B3GNT2: variants seen among roughly 807,000 people sequenced by gnomAD.
B3GNT2 encodes N-acetyllactosaminide beta-1,3-N-acetylglucosaminyltransferase 2.
B3GNT2 carries 12 observed loss-of-function variants against 27.6 expected under a neutral mutation model. The ratio of observed to expected loss-of-function variants is 0.44; its 90% CI spans 0.28 to 0.71. The LOEUF is 0.71. Ranked by LOEUF, B3GNT2 falls within the 30% of genes least tolerant of loss-of-function variation. The pLI is 0.17. For missense variants in B3GNT2, 413 were observed against 488.5 expected (o/e 0.85, Z 1.46); for synonymous variants, 192 against 189.7 (o/e 1.01, Z -0.10).
chr2:62,200,091 C>T (rs757360714), intron 1 of B3GNT2, among the ~76,000 whole-genome samples: 7 of 152,184 alleles, frequency 4.6e-5, no homozygotes, highest in East Asian at 1.9e-4. Context: ...AGATTTTTGC[C>T]CTCTGTGTGT....
intron 1 of B3GNT2, among the ~76,000 whole-genome samples, chr2:62,203,950 T>C (rs1285829194): frequency 6.6e-6 from 1 of 152,232 alleles, no homozygotes; most frequent in Non-Finnish European, 1.5e-5. Flanking sequence ...TGGAATCCAT[T>C]GAACTCATGA....
chr2:62,210,636 G>C (rs1674464892), intron 1 of B3GNT2, among the ~76,000 whole-genome samples: 1 of 151,962 alleles, frequency 6.6e-6, no homozygotes, highest in Non-Finnish European at 1.5e-5. Flanking sequence ...TGGGTGTGGT[G>C]GTGGGCGCCT....
At chr2:62,221,720 G>A (rs10189468) in intron 1 of B3GNT2, 82,134 of 408,594 alleles carry the variant, frequency 0.2, 11,845 homozygotes, top group African/African-American at 0.53. Flanking sequence ...CACACAATGC[G>A]TCACACATGT....
rs77324476 is a variant in B3GNT2, at chr2:62,211,522, T to C, written c.-9-10690T>C. Reference sequence around the variant, plus strand: ...CAAAACCAACTAAAGTTGTAATCAATGGGCATCCAACTTGGAGTTCTTCGT... The same window carrying C: ...CAAAACCAACTAAAGTTGTAATCAACGGGCATCCAACTTGGAGTTCTTCGT... On this transcript the variant is annotated intron_variant, in intron 1 of 1. Coordinates refer to ENST00000301998, the MANE Select transcript of B3GNT2 (RefSeq NM_006577.6). 4.8e-4 allele frequency among the ~76,000 whole-genome samples: 73 copies of C among 152,348 alleles called. 2 individuals carry two copies. In the East Asian group the frequency reaches 0.012, roughly 25 times the overall value.
In B3GNT2 at chr2:62,213,021, C is replaced by T. The variant is rs1003338516; in HGVS notation, c.-9-9191C>T. On this transcript the variant is annotated intron_variant, in intron 1 of 1. Coordinates refer to ENST00000301998, the MANE Select transcript of B3GNT2 (RefSeq NM_006577.6). The stretch of plus-strand genomic sequence containing the variant: ...TGGAGTGGAAGCATTTACCAAGCCA[C>T]GTACAAGCTCTTAACCAAGGGCTTC... 2.0e-5 allele frequency among the ~76,000 whole-genome samples: 3 copies of T among 152,196 alleles called. No individual in the cohort carries two copies. The South Asian group carries it at 6.2e-4, about 32-fold the overall frequency.
Position 62,207,304 on chromosome 2 carries a change from C to T in B3GNT2, c.-10+10949C>T, listed in dbSNP as rs115754297. 8.0e-3 allele frequency among the ~76,000 whole-genome samples: 1,214 copies of T among 152,146 alleles called. 22 individuals are homozygous for T. The highest frequency in any genetic ancestry group is 0.028 in the African/African-American group (1,176 of 41,506). On this transcript the variant is annotated intron_variant, in intron 1 of 1. Transcript: ENST00000301998. ...AAGCGATTCTTCTGTCTCAGCCTCA[C>T]GAGTAGTTGGGACAACACACATGCT...
intron 1 of B3GNT2, among the ~76,000 whole-genome samples, chr2:62,212,307 A>G (rs1674495935): frequency 6.6e-6 from 1 of 152,096 alleles, no homozygotes; most frequent in Admixed American, 6.5e-5. Flanking sequence ...CGGTGGTACC[A>G]GGAGCCTAAG....
Position 62,196,116 on chromosome 2 carries a change from G to A in B3GNT2, c.-249G>A, listed in dbSNP as rs906888875. On this transcript the variant is annotated 5_prime_UTR_variant, in exon 1 of 2. Transcript: ENST00000301998. ...GGCGGCTGCTGCGCCTGGAACCGGAGCCTGGAGTGAGGCGCAGCGGCAGCG... is the reference window on the plus strand; with the variant it reads ...GGCGGCTGCTGCGCCTGGAACCGGAACCTGGAGTGAGGCGCAGCGGCAGCG... 2.6e-5 allele frequency: 4 copies of A among 152,102 alleles called. No homozygotes were observed. Among genetic ancestry groups the A allele is most frequent in the Admixed American group, 6.6e-5 (1 of 15,208 alleles). 9.4% of individuals were successfully genotyped at this position (152,102 alleles called of 1,614,324 possible).
At position 62,224,287 on chromosome 2, in the gene B3GNT2, A is replaced by G. The variant is rs13393608; in HGVS notation, c.*873A>G. On this transcript the variant is annotated 3_prime_UTR_variant, in exon 2 of 2. Coordinates refer to ENST00000301998, the MANE Select transcript of B3GNT2 (RefSeq NM_006577.6). ...AGACTTTTGCATAGATGGTTTGTCA[A>G]TTTAAAATTCCAGAATTTATTATTG... is the stretch of plus-strand genomic sequence containing the variant. The G allele has an allele frequency of 0.14, 23,075 of 167,022 alleles. 1,715 individuals carry two copies. The highest frequency in any genetic ancestry group is 0.23 in the East Asian group (1,186 of 5,182). 10.3% of individuals were successfully genotyped at this position (167,022 alleles called of 1,614,324 possible).
intron 1 of B3GNT2, among the ~76,000 whole-genome samples, chr2:62,212,320 T>C (rs558086852): frequency 2.6e-5 from 4 of 152,248 alleles, no homozygotes; most frequent in East Asian, 1.9e-4. Flanking sequence ...AGCCTAAGAC[T>C]GGGTGGTCCT....
At chr2:62,201,897 G>A (rs551459517) in intron 1 of B3GNT2, among the ~76,000 whole-genome samples, 1 of 152,184 alleles carries the variant, frequency 6.6e-6, no homozygotes, top group African/African-American at 2.4e-5. Flanking sequence ...TAGCAGAGAA[G>A]GCAAGAGTCT....
At chr2:62,197,793 G>T (rs895095449) in intron 1 of B3GNT2, among the ~76,000 whole-genome samples, 3 of 152,226 alleles carry the variant, frequency 2.0e-5, no homozygotes, top group Non-Finnish European at 4.4e-5. Context: ...GCTTATAGTC[G>T]CACCCATGCG....
At chr2:62,212,141 G>C (rs998556804) in intron 1 of B3GNT2, among the ~76,000 whole-genome samples, 1 of 152,110 alleles carries the variant, frequency 6.6e-6, no homozygotes. Flanking sequence ...TTTGCCTTTT[G>C]TAAGTAGAGG....
At chr2:62,203,789 G>A (rs1674316055) in intron 1 of B3GNT2, among the ~76,000 whole-genome samples, 1 of 152,082 alleles carries the variant, frequency 6.6e-6, no homozygotes, top group Non-Finnish European at 1.5e-5. Flanking sequence ...TGGGGGTCAG[G>A]GACTGGCTGA....
intron 1 of B3GNT2, among the ~76,000 whole-genome samples, chr2:62,203,272 C>T (rs751644866): frequency 2.6e-5 from 4 of 151,968 alleles, no homozygotes; most frequent in South Asian, 4.2e-4. Context: ...GAGAAAGACT[C>T]CTGGTGGGTG....
At position 62,223,220 on chromosome 2, in the gene B3GNT2, G is replaced by A. The variant is rs2104216188; in HGVS notation, c.1000G>A (p.Val334Ile). 1.9e-6 allele frequency: 3 copies of A among 1,614,176 alleles called. No homozygotes were observed. Among genetic ancestry groups the A allele is most frequent in the Non-Finnish European group, 2.5e-6 (3 of 1,180,034 alleles). Residue 334 changes from valine (V) to isoleucine (I), a missense_variant, in exon 2 of 2, where the codon GTT becomes ATT. Physicochemically the swap from Val to Ile is conservative, Grantham distance 29 (BLOSUM62 3). Transcript: ENST00000301998. The part of the protein sequence containing the change: ...DQVHLYPIDD[V>I]YTGMCLQKLG... ...GGTCCATCTCTACCCCATTGATGAC[G>A]TTTATACTGGAATGTGCCTTCAGAA...
chr2:62,213,621 T>C (rs1176984603), intron 1 of B3GNT2, among the ~76,000 whole-genome samples: 3 of 152,196 alleles, frequency 2.0e-5, no homozygotes, highest in African/African-American at 7.2e-5. Flanking sequence ...GCTGTACTTC[T>C]CACCCCAGTT....
rs142908493 is a variant in B3GNT2, at chr2:62,223,316, A to G, written c.1096A>G (p.Ile366Val). Residue 366 changes from isoleucine (I) to valine (V), a missense_variant, in exon 2 of 2, where the codon ATC becomes GTC. Coordinates refer to ENST00000301998, the MANE Select transcript of B3GNT2 (RefSeq NM_006577.6). ...FDIEEKNKNN[I>V]CSYVDLMLVH... ...TATCGAGGAGAAAAACAAAAATAACATCTGCTCCTATGTAGATCTGATGTT... is the reference window on the plus strand; with the variant it reads ...TATCGAGGAGAAAAACAAAAATAACGTCTGCTCCTATGTAGATCTGATGTT... 2 of 1,614,184 alleles carry G rather than the reference A, an allele frequency of 1.2e-6. No individual in the cohort carries two copies. The highest frequency in any genetic ancestry group is 1.7e-5 in the Admixed American group (1 of 60,026).
intron 1 of B3GNT2, among the ~76,000 whole-genome samples, chr2:62,220,796 C>CT (rs1395218345): frequency 2.0e-5 from 3 of 152,150 alleles, no homozygotes; most frequent in Non-Finnish European, 1.5e-5. Flanking sequence ...CTTTTTTGGG[C>CT]TATCTTTTAA....
Sources: gnomAD v4.1 joint callset for allele counts (sites outside exome capture counted in the v4.1 genomes callset) on GRCh38, gnomAD v4.1.1 for gene constraint, MANE v1.5 for transcripts, NCBI Gene and HGNC (gene_info 2026-07-23, HGNC 2026-07-21) for gene names.